Variants in DSCAM observed in about 807,000 individuals in gnomAD.
DSCAM encodes the protein cell adhesion molecule DSCAM.
DSCAM carries 47 observed loss-of-function variants against 217.7 expected under a neutral mutation model. The ratio of observed to expected loss-of-function variants is 0.22; its 90% CI spans 0.17 to 0.28. DSCAM has a LOEUF of 0.28. Ranked by LOEUF, DSCAM falls within the 10% of genes least tolerant of loss-of-function variation. The pLI, the probability that DSCAM is intolerant of heterozygous loss-of-function variation, is 1.00. For synonymous variants in DSCAM, 1,056 were observed against 1,015.3 expected (o/e 1.04, Z -0.76); for missense variants, 2,080 against 2,618.3 (o/e 0.79, Z 4.49).
chr21:40,722,887 G>T (rs532166027), intron 1 of DSCAM, among the ~76,000 whole-genome samples: 1 of 152,140 alleles, frequency 6.6e-6, no homozygotes, highest in South Asian at 2.1e-4. Flanking sequence ...TAATATCAAA[G>T]TAGATTTTAG....
At chr21:40,262,867 A>G (rs556213197) in intron 11 of DSCAM, among the ~76,000 whole-genome samples, 4 of 152,208 alleles carry the variant, frequency 2.6e-5, no homozygotes, top group Non-Finnish European at 5.9e-5. Context: ...TCTTGAATCA[A>G]TGAAAAGAAT....
At chr21:40,761,084 G>C (rs2091329096) in intron 1 of DSCAM, among the ~76,000 whole-genome samples, 1 of 152,216 alleles carries the variant, frequency 6.6e-6, no homozygotes. Flanking sequence ...TATGGAAAGA[G>C]TCAGTCTGGT....
chr21:40,664,293 T>A (rs1373453614), intron 3 of DSCAM, among the ~76,000 whole-genome samples: 1 of 152,224 alleles, frequency 6.6e-6, no homozygotes, highest in Non-Finnish European at 1.5e-5. Context: ...GGGACTTCCA[T>A]TGTATTTTCT....
At position 40,240,220 on chromosome 21, in the gene DSCAM, G is replaced by C. The variant is rs371692781; in HGVS notation, c.2356+35877C>G. 4.1e-4 allele frequency among the ~76,000 whole-genome samples: 63 copies of C among 152,210 alleles called. No homozygotes were observed. The South Asian group carries it at 8.9e-3, about 22-fold the overall frequency. ...TCCCGATTAACATTCAAGCCAGGCA[G>C]GTGAAGGCTGGCCACATCTACCTGC... On this transcript the variant is annotated intron_variant, in intron 11 of 32. Transcript: ENST00000400454.
chr21:40,371,444 A>G (rs1235664836), intron 3 of DSCAM, among the ~76,000 whole-genome samples: 1 of 151,462 alleles, frequency 6.6e-6, no homozygotes, highest in African/African-American at 2.4e-5. Flanking sequence ...AAGATGATGT[A>G]TGTAATTCCT....
In DSCAM at chr21:40,099,496, C is replaced by T. The variant is rs115715234; in HGVS notation, c.3697-5622G>A. On this transcript the variant is annotated intron_variant, in intron 20 of 32. Transcript: ENST00000400454. ...CACCCTTTGATGCCACTGTGTATTC[C>T]TCTGAGGACTGCCATAATTAGGCAC... Among the ~76,000 whole-genome samples the T allele has an allele frequency of 8.8e-3, 1,346 of 152,230 alleles. 20 individuals are homozygous for T. Among genetic ancestry groups the T allele is most frequent in the African/African-American group, 0.031 (1,287 of 41,540 alleles).
At chr21:40,810,486 G>A (rs180818081) in intron 1 of DSCAM, among the ~76,000 whole-genome samples, 1 of 152,236 alleles carries the variant, frequency 6.6e-6, no homozygotes, top group Non-Finnish European at 1.5e-5. Flanking sequence ...GTTGGGTAGA[G>A]TGTTTAAGCT....
intron 21 of DSCAM, among the ~76,000 whole-genome samples, chr21:40,090,747 G>A (rs1483948821): frequency 1.3e-5 from 2 of 152,058 alleles, no homozygotes; most frequent in East Asian, 1.9e-4. Context: ...ATATCCAGAC[G>A]CTGACCCGCC....
At chr21:40,548,656 T>C (rs2076604549) in intron 3 of DSCAM, among the ~76,000 whole-genome samples, 1 of 152,196 alleles carries the variant, frequency 6.6e-6, no homozygotes, top group African/African-American at 2.4e-5. Context: ...CTCCTCTTAC[T>C]TTCCTTCTCA....
At chr21:40,751,824 C>CA (rs537926870) in intron 1 of DSCAM, among the ~76,000 whole-genome samples, 12 of 151,828 alleles carry the variant, frequency 7.9e-5, no homozygotes, top group Non-Finnish European at 1.0e-4. Flanking sequence ...TTTTAAAAGA[C>CA]AAAAAAAGAC....
intron 24 of DSCAM, among the ~76,000 whole-genome samples, chr21:40,082,762 G>T (rs2089481392): frequency 6.6e-6 from 1 of 151,742 alleles, no homozygotes; most frequent in Non-Finnish European, 1.5e-5. Flanking sequence ...TTAACAACTG[G>T]TTCTTGGAGA....
chr21:40,325,499 C>A (rs531864971), intron 8 of DSCAM, among the ~76,000 whole-genome samples: 1 of 152,046 alleles, frequency 6.6e-6, no homozygotes, highest in African/African-American at 2.4e-5. Context: ...AAGACAAAGG[C>A]AAAGTTAAGA....
chr21:40,519,294 A>C (rs1029258329), intron 3 of DSCAM, among the ~76,000 whole-genome samples: 3 of 152,152 alleles, frequency 2.0e-5, no homozygotes, highest in Middle Eastern at 3.2e-3. Context: ...TGTTTTGTAG[A>C]TATGGTTAAC....
rs577297492 is a variant in DSCAM at position 40,785,974 on chromosome 21, T to C, written c.43+60645A>G. ...TCATCTGGCCGGACACAGTGGCTCA[T>C]GCCTGTAATCCCAGCACTTTGGGAG... On this transcript the variant is annotated intron_variant, in intron 1 of 32. Coordinates refer to ENST00000400454, the MANE Select transcript of DSCAM (RefSeq NM_001389.5). 2.6e-5 allele frequency among the ~76,000 whole-genome samples: 4 copies of C among 152,322 alleles called. No individual in the cohort carries two copies. The East Asian group carries it at 7.7e-4, about 29-fold the overall frequency.
At chr21:40,475,133 G>A (rs968806253) in intron 3 of DSCAM, among the ~76,000 whole-genome samples, 1 of 152,170 alleles carries the variant, frequency 6.6e-6, no homozygotes, top group East Asian at 1.9e-4. Flanking sequence ...TCAGACTGTC[G>A]TGCGCAATTA....
At chr21:40,546,531 C>T (rs1397666419) in intron 3 of DSCAM, among the ~76,000 whole-genome samples, 1 of 152,174 alleles carries the variant, frequency 6.6e-6, no homozygotes, top group Non-Finnish European at 1.5e-5. Flanking sequence ...GTGACAATAC[C>T]TATGCCACCA....
At chr21:40,711,038 A>G (rs1601158202) in intron 1 of DSCAM, among the ~76,000 whole-genome samples, 1 of 117,814 alleles carries the variant, frequency 8.5e-6, no homozygotes, top group Non-Finnish European at 1.8e-5. Flanking sequence ...CACAGGATAC[A>G]GGCTGTCACT....
chr21:40,028,643 T>G (rs1012790151), intron 32 of DSCAM, among the ~76,000 whole-genome samples: 2 of 152,168 alleles, frequency 1.3e-5, no homozygotes, highest in Non-Finnish European at 2.9e-5. Context: ...TTTCTTTGAC[T>G]AGGAAAGGGA....
At chr21:40,100,953 C>T (rs540669534) in intron 20 of DSCAM, among the ~76,000 whole-genome samples, 2 of 152,192 alleles carry the variant, frequency 1.3e-5, no homozygotes, top group East Asian at 1.9e-4. Context: ...ATTGTGCTAA[C>T]CATTTGTTTG....
Sources: allele counts gnomAD v4.1 joint callset (sites outside exome capture counted in the v4.1 genomes callset), GRCh38; gene constraint gnomAD v4.1.1; transcripts MANE v1.5; gene names NCBI Gene and HGNC (gene_info 2026-07-23, HGNC 2026-07-21).